Variants in ATRNL1 observed in about 807,000 individuals in gnomAD.
ATRNL1 encodes the protein attractin-like protein 1.
ATRNL1 carries 95 observed loss-of-function variants against 182.7 expected under a neutral mutation model. That is an observed-to-expected ratio of 0.52 (90% CI 0.44 to 0.62). ATRNL1 has a LOEUF of 0.62. Among genes scored for constraint, ATRNL1 ranks in the 20% least tolerant of loss-of-function variants. The pLI, the probability that ATRNL1 is intolerant of heterozygous loss-of-function variation, is 0.00. For synonymous variants in ATRNL1, 576 were observed against 568.3 expected (o/e 1.01, Z -0.19); for missense variants, 1,471 against 1,679.5 (o/e 0.88, Z 2.17).
Position 115,121,811 on chromosome 10 carries a change from A to T in ATRNL1, c.490A>T (p.Ser164Cys). The T allele has an allele frequency of 7.2e-7, 1 of 1,396,648 alleles. No individual in the cohort carries two copies. The highest frequency in any genetic ancestry group is 9.9e-7 in the Non-Finnish European group (1 of 1,010,208). The allele number at this position is 1,396,648 out of a possible 1,614,324, so 86.5% of individuals were successfully genotyped here. Reference sequence around the variant, plus strand: ...ATATGCACCTTTAATAGCTGTACTTAGGTGAGTAATTATATTTAATCAGTT... The same window carrying T: ...ATATGCACCTTTAATAGCTGTACTTTGGTGAGTAATTATATTTAATCAGTT... Reference protein sequence around the residue: ...SIYAPLIAVLSGLIVPEIRGN... With the variant: ...SIYAPLIAVLCGLIVPEIRGN... The change falls in exon 3 of 29, where the codon AGT (serine) becomes TGT (cysteine). Residue 164 changes from serine to cysteine, a missense_variant and splice_region_variant. Physicochemically the swap from Ser to Cys is moderately radical, Grantham distance 112 (BLOSUM62 -1). Transcript: ENST00000355044.
At chr10:115,421,643 T>G (rs1845656250) in intron 20 of ATRNL1, among the ~76,000 whole-genome samples, 1 of 152,160 alleles carries the variant, frequency 6.6e-6, no homozygotes, top group Non-Finnish European at 1.5e-5. Context: ...TGCCATAGTA[T>G]GATGGCATTC....
intron 5 of ATRNL1, among the ~76,000 whole-genome samples, chr10:115,139,321 C>T (rs1845659856): frequency 6.6e-6 from 1 of 152,184 alleles, no homozygotes; most frequent in African/African-American, 2.4e-5. Flanking sequence ...GCGCTCCACT[C>T]TACTGGTACC....
chr10:115,613,402 G>A (rs376753352), intron 26 of ATRNL1, among the ~76,000 whole-genome samples: 8 of 152,072 alleles, frequency 5.3e-5, no homozygotes, highest in Non-Finnish European at 1.0e-4. Flanking sequence ...GTGTAATCTT[G>A]TTGATGCTCT....
intron 18 of ATRNL1, among the ~76,000 whole-genome samples, chr10:115,320,439 G>A (rs1854523520): frequency 6.6e-6 from 1 of 152,116 alleles, no homozygotes; most frequent in South Asian, 2.1e-4. Context: ...ATATTGGCCT[G>A]CCTTGCTAGG....
intron 25 of ATRNL1, among the ~76,000 whole-genome samples, chr10:115,535,238 G>C (rs569192288): frequency 4.6e-5 from 7 of 152,210 alleles, no homozygotes; most frequent in African/African-American, 1.7e-4. Flanking sequence ...GTCACTTTCA[G>C]GTACACCGAT....
At chr10:115,603,767 A>C (rs1555016740) in intron 26 of ATRNL1, among the ~76,000 whole-genome samples, 1 of 152,116 alleles carries the variant, frequency 6.6e-6, no homozygotes, top group African/African-American at 2.4e-5. Context: ...CTTTGTCTAG[A>C]TTTAAGTTTT....
chr10:115,522,959 T>C (rs1206904207), intron 25 of ATRNL1, among the ~76,000 whole-genome samples: 7 of 152,238 alleles, frequency 4.6e-5, no homozygotes, highest in Non-Finnish European at 7.3e-5. Flanking sequence ...ATAGCCCTGC[T>C]CTACTAGGCA....
At chr10:115,191,361 C>T (rs1848162906) in intron 8 of ATRNL1, among the ~76,000 whole-genome samples, 1 of 152,156 alleles carries the variant, frequency 6.6e-6, no homozygotes, top group Admixed American at 6.6e-5. Context: ...CCTTTCTCCA[C>T]ATCCTCATCA....
intron 28 of ATRNL1, among the ~76,000 whole-genome samples, chr10:115,859,639 C>T (rs1341821282): frequency 1.3e-5 from 2 of 152,066 alleles, no homozygotes; most frequent in Admixed American, 6.6e-5. Context: ...GCCAGTGGTC[C>T]GTCAGCAAAT....
chr10:115,600,496 A>G (rs1467058300), intron 26 of ATRNL1, among the ~76,000 whole-genome samples: 1 of 152,086 alleles, frequency 6.6e-6, no homozygotes, highest in Admixed American at 6.6e-5. Context: ...TTTGTTGGCT[A>G]ATGGTATTGA....
At chr10:115,245,001 C>T (rs1554903724) in intron 10 of ATRNL1, among the ~76,000 whole-genome samples, 2 of 152,058 alleles carry the variant, frequency 1.3e-5, no homozygotes, top group Admixed American at 1.3e-4. Context: ...AACGAATAAT[C>T]GAGTTTTCAA....
At chr10:115,538,451 C>T (rs150638310) in intron 25 of ATRNL1, among the ~76,000 whole-genome samples, 47 of 142,340 alleles carry the variant, frequency 3.3e-4, no homozygotes, top group African/African-American at 8.7e-4. Context: ...TGGCTAATGA[C>T]GTTGAATATC....
At chr10:115,769,975 C>A (rs1263866621) in intron 27 of ATRNL1, among the ~76,000 whole-genome samples, 1 of 152,112 alleles carries the variant, frequency 6.6e-6, no homozygotes, top group Admixed American at 6.5e-5. Context: ...GAAGCTAATG[C>A]AGCTTAAGCC....
rs562004601 is a variant in ATRNL1 at position 115,358,506 on chromosome 10, A to G, written c.3175+24087A>G. ...TTTCCTTGTCAGTTAAGCTCCAAGC[A>G]TTATATCTAAAAATGTGGATAATGT... On this transcript the variant is annotated intron_variant, in intron 19 of 28. Coordinates refer to ENST00000355044, the MANE Select transcript of ATRNL1 (RefSeq NM_207303.4). Among the ~76,000 whole-genome samples the G allele has an allele frequency of 4.0e-5, 6 of 151,710 alleles. No individual in the cohort carries two copies. The South Asian group carries it at 1.2e-3, about 31-fold the overall frequency.
intron 26 of ATRNL1, among the ~76,000 whole-genome samples, chr10:115,570,147 A>T (rs917661694): frequency 4.6e-5 from 7 of 152,168 alleles, no homozygotes; most frequent in Admixed American, 1.3e-4. Flanking sequence ...TTTTTTTAGT[A>T]GAGATGGGGT....
intron 26 of ATRNL1, among the ~76,000 whole-genome samples, chr10:115,707,224 C>T (rs1444380405): frequency 1.3e-5 from 2 of 151,764 alleles, no homozygotes; most frequent in Admixed American, 6.6e-5. Context: ...CTTATCGTAT[C>T]AGTCTAAACA....
chr10:115,758,342 C>T (rs1208294663), intron 27 of ATRNL1, among the ~76,000 whole-genome samples: 1 of 52,428 alleles, frequency 1.9e-5, no homozygotes, highest in Non-Finnish European at 3.8e-5. Context: ...TGATACTATT[C>T]CTTTCTGTTT....
In ATRNL1 at chr10:115,916,793, G is replaced by GT. The variant is rs577176784; in HGVS notation, c.4019-27862dup. Among the ~76,000 whole-genome samples the GT allele has an allele frequency of 4.1e-4, 62 of 152,284 alleles. No homozygotes were observed. In the East Asian group the frequency reaches 0.012, roughly 29 times the overall value. ...CAGCCTTGGGAGCTCAGGGCCTTCT[G>GT]TTTACTGGGAGCTCTTTCTCTGACC... On this transcript the variant is annotated intron_variant, in intron 28 of 28. Transcript: ENST00000355044.
At chr10:115,375,971 TC>T (rs1857647913) in intron 19 of ATRNL1, among the ~76,000 whole-genome samples, 1 of 152,206 alleles carries the variant, frequency 6.6e-6, no homozygotes, top group African/African-American at 2.4e-5. Context: ...TATCATACTT[TC>T]ATTTCAAATT....
Sources: gnomAD v4.1 joint callset for allele counts (sites outside exome capture counted in the v4.1 genomes callset) on GRCh38, gnomAD v4.1.1 for gene constraint, MANE v1.5 for transcripts, NCBI Gene and HGNC (gene_info 2026-07-23, HGNC 2026-07-21) for gene names.